Variants in HEATR5A observed in about 807,000 individuals in gnomAD.
The protein encoded by HEATR5A is HEAT repeat-containing protein 5A.
In HEATR5A, 178 loss-of-function variants were observed where a neutral mutation model predicts 218.8. The ratio of observed to expected loss-of-function variants is 0.81; its 90% CI spans 0.72 to 0.92. The LOEUF (loss-of-function observed/expected upper bound fraction) is 0.92. Among genes scored for constraint, HEATR5A ranks in the 40% least tolerant of loss-of-function variants. HEATR5A has a pLI of 0.00. For missense variants in HEATR5A, 2,420 were observed against 2,418.9 expected (o/e 1.00, Z -0.01); for synonymous variants, 864 against 871.6 (o/e 0.99, Z 0.15).
At chr14:31,403,098 G>A in intron 1 of HEATR5A, 49 bp from the exon 2 acceptor site, 1 of 846,442 alleles carries the variant, frequency 1.2e-6, no homozygotes, top group Non-Finnish European at 1.7e-6. Flanking sequence ...AAAAAGGAAG[G>A]CAATCATAAC....
Position 31,312,992 on chromosome 14 carries a change from A to C in HEATR5A, c.4417T>G (p.Phe1473Val), listed in dbSNP as rs1282523196. ...DFALLTLPSE[F>V]ASQLPAEGGA... ...CCTTCAGCAGGAAGTTGGGAGGCAA[A>C]TTCTGAAGGCAAAGTTAAAAGAGCA... Residue 1473 changes from phenylalanine to valine, a missense_variant, in exon 28 of 36, where the codon TTT (phenylalanine) becomes GTT (valine). By Grantham distance (50) the Phe-to-Val change is conservative. Transcript: ENST00000543095. The C allele has an allele frequency of 6.2e-7, 1 of 1,613,702 alleles. No homozygotes were observed.
chr14:31,306,529 C>T (rs1595080439), intron 31 of HEATR5A, among the ~76,000 whole-genome samples: 1 of 152,202 alleles, frequency 6.6e-6, no homozygotes, highest in East Asian at 1.9e-4. Context: ...AAAGACTCTA[C>T]TTTCAGGGAT....
At chr14:31,325,348 C>A (rs187685167) in intron 23 of HEATR5A, among the ~76,000 whole-genome samples, 3 of 152,108 alleles carry the variant, frequency 2.0e-5, no homozygotes, top group Admixed American at 1.3e-4. Flanking sequence ...TAACAGTTTT[C>A]TAATACTACT....
At chr14:31,380,699 A>ACTGT (rs2029943566) in intron 10 of HEATR5A, 121 bp from the exon 11 acceptor site, 2 of 679,924 alleles carry the variant, frequency 2.9e-6, no homozygotes, top group Non-Finnish European at 5.0e-6. Flanking sequence ...ACGATAAAGA[A>ACTGT]CTGTCATTCG....
rs772745106 is a variant in HEATR5A, at chr14:31,343,985, C to CAAGG, written c.3135_3138dup (p.Val1047ProfsTer25). On this transcript the variant is annotated frameshift_variant, in exon 21 of 36. Transcript: ENST00000543095. LOFTEE classifies it high-confidence loss of function. ...AGGCAAGAGATGGCCTGAGCTTGAA[C>CAAGG]AAGGCAGTCTGGGTTATCTTGCATT... The CAAGG allele has an allele frequency of 6.2e-7, 1 of 1,611,824 alleles. No individual in the cohort carries two copies. The highest frequency in any genetic ancestry group is 2.2e-5 in the East Asian group (1 of 44,822).
At chr14:31,351,428 G>T (rs1901224309) in intron 16 of HEATR5A, among the ~76,000 whole-genome samples, 1 of 151,514 alleles carries the variant, frequency 6.6e-6, no homozygotes, top group Non-Finnish European at 1.5e-5. Flanking sequence ...AGGAGTTCAA[G>T]GTTACAGTGA....
In HEATR5A at chr14:31,358,888, C is replaced by A. The variant is rs1901517938; in HGVS notation, c.2235+6G>T. ...GAATCTAATCAAGAGTAAAAAATGGCCATACCTGTTCTTCAATAAATCTAT... is the reference window on the plus strand; with the variant it reads ...GAATCTAATCAAGAGTAAAAAATGGACATACCTGTTCTTCAATAAATCTAT... On this transcript the variant is annotated splice_donor_region_variant and intron_variant, in intron 15 of 35. Transcript: ENST00000543095. 6.3e-7 allele frequency: 1 copy of A among 1,598,020 alleles called. No homozygotes were observed. Among genetic ancestry groups the A allele is most frequent in the East Asian group, 2.2e-5 (1 of 44,696 alleles).
chr14:31,383,141 C>T (rs1476993988), intron 10 of HEATR5A, among the ~76,000 whole-genome samples: 2 of 152,148 alleles, frequency 1.3e-5, no homozygotes. Context: ...TTCATACTGA[C>T]AATTTCAATT....
chr14:31,352,736 TC>T (rs1210730958), intron 16 of HEATR5A, among the ~76,000 whole-genome samples: 1 of 152,110 alleles, frequency 6.6e-6, no homozygotes, highest in Non-Finnish European at 1.5e-5. Context: ...GGTGGGAAGA[TC>T]ACCTGATGTC....
intron 16 of HEATR5A, 145 bp downstream of exon 16, chr14:31,358,491 GC>G (rs1901503252): frequency 5.1e-5 from 36 of 703,238 alleles, no homozygotes; most frequent in South Asian, 3.6e-4. Flanking sequence ...TTAAGTATTA[GC>G]CAAGTGAATA....
intron 33 of HEATR5A, chr14:31,296,597 C>G (rs1815353237): frequency 6.6e-6 from 1 of 152,244 alleles, no homozygotes; most frequent in South Asian, 2.1e-4. Context: ...AATACGTTAG[C>G]ACTTTACAAA....
chr14:31,320,753 A>AT (rs143401364), intron 25 of HEATR5A: 8 of 335,718 alleles, frequency 2.4e-5, no homozygotes, highest in East Asian at 8.0e-5. Context: ...TAACAGGGCC[A>AT]TTTTTTTTCC....
chr14:31,394,273 G>A, intron 5 of HEATR5A, 47 bp from the exon 6 acceptor site: 2 of 1,240,504 alleles, frequency 1.6e-6, no homozygotes, highest in South Asian at 1.7e-5. Context: ...AAATACAAAT[G>A]TCAGGTTCAG....
At chr14:31,419,490 A>C (rs1347426634) in intron 1 of HEATR5A, among the ~76,000 whole-genome samples, 1 of 152,226 alleles carries the variant, frequency 6.6e-6, no homozygotes, top group Admixed American at 6.5e-5. Context: ...TTTCTCTGGA[A>C]GTTCTTAAGT....
At chr14:31,368,885 A>C (rs1430066698) in intron 13 of HEATR5A, among the ~76,000 whole-genome samples, 1 of 152,170 alleles carries the variant, frequency 6.6e-6, no homozygotes, top group Non-Finnish European at 1.5e-5. Flanking sequence ...AACAAAAAGA[A>C]AAAAAGTACT....
intron 1 of HEATR5A, among the ~76,000 whole-genome samples, chr14:31,415,478 T>C (rs2031415156): frequency 6.6e-6 from 1 of 152,202 alleles, no homozygotes; most frequent in African/African-American, 2.4e-5. Context: ...CATATTCACA[T>C]ACGATGGGAT....
At chr14:31,340,623 CA>C (rs1161666452) in intron 21 of HEATR5A, 1 of 395,636 alleles carries the variant, frequency 2.5e-6, no homozygotes, top group Non-Finnish European at 4.2e-6. Context: ...AAATTTGCCA[CA>C]AATATTTTAT....
At chr14:31,329,959 C>G (rs191309611) in intron 22 of HEATR5A, among the ~76,000 whole-genome samples, 66 of 152,356 alleles carry the variant, frequency 4.3e-4, no homozygotes, top group African/African-American at 1.5e-3. Flanking sequence ...GATCCACCCG[C>G]CTTGGCCTCC....
intron 8 of HEATR5A, 28 bp downstream of exon 8, chr14:31,387,092 A>G (rs1049304767): frequency 6.2e-7 from 1 of 1,609,944 alleles, no homozygotes; most frequent in African/African-American, 1.3e-5. Flanking sequence ...AGCACTGTTA[A>G]ACAAACTGTC....
Sources: allele counts gnomAD v4.1 joint callset (sites outside exome capture counted in the v4.1 genomes callset), GRCh38; gene constraint gnomAD v4.1.1; transcripts MANE v1.5; gene names NCBI Gene and HGNC (gene_info 2026-07-23, HGNC 2026-07-21).